GBE1: variants seen among roughly 807,000 people sequenced by gnomAD.
GBE1 encodes the protein 1,4-alpha-glucan branching enzyme 1, also known as 1,4-alpha-glucan-branching enzyme.
A neutral mutation model predicts 88.8 loss-of-function variants in GBE1; 70 were observed. The observed-to-expected ratio is 0.79, with a 90% CI of 0.65 to 0.96. The LOEUF is 0.96. GBE1 is among the 40% of genes least tolerant of loss of function. GBE1 has a pLI of 0.00. For synonymous variants in GBE1, 284 were observed against 300.1 expected (o/e 0.95, Z 0.56); for missense variants, 872 against 871.0 (o/e 1.00, Z -0.01).
intron 12 of GBE1, among the ~76,000 whole-genome samples, chr3:81,546,250 T>A (rs1190913474): frequency 2.7e-5 from 4 of 150,908 alleles, no homozygotes; most frequent in Non-Finnish European, 5.9e-5. Context: ...ACACACACAC[T>A]AACTCACACA....
chr3:81,719,967 G>C (rs867698687), intron 1 of GBE1, among the ~76,000 whole-genome samples: 4 of 152,072 alleles, frequency 2.6e-5, no homozygotes, highest in African/African-American at 4.8e-5. Context: ...CAGGATAAAT[G>C]AATCAGTTAT....
chr3:81,646,566 T>C lies in GBE1; in HGVS notation c.692-84A>G, dbSNP rs1240107589. 1.1e-5 allele frequency: 8 copies of C among 733,484 alleles called. No homozygotes were observed. In the East Asian group the frequency reaches 1.6e-4, roughly 15 times the overall value. 45.4% of individuals were successfully genotyped at this position (733,484 alleles called of 1,614,324 possible). The stretch of plus-strand genomic sequence containing the variant: ...GGAAAAAAAGCATCCTTATTCCAAA[T>C]ACATTAAAATTTACAAACAATCTAG... On this transcript the variant is annotated intron_variant, in intron 5 of 15. Coordinates refer to ENST00000429644, the MANE Select transcript of GBE1 (RefSeq NM_000158.4).
Position 81,578,050 on chromosome 3 carries a change from T to C in GBE1, c.1493A>G (p.Glu498Gly). The C allele has an allele frequency of 1.2e-6, 2 of 1,609,216 alleles. No homozygotes were observed. The highest frequency in any genetic ancestry group is 8.5e-7 in the Non-Finnish European group (1 of 1,177,688). ...KSLAFWLMDA[E>G]MYTNMSVLTP... ...CAGGACACTCATGTTTGTATACATT[T>C]CGGCATCCATCAACCAAAATGCCAG... The change falls in exon 12 of 16, where the codon GAA becomes GGA. Residue 498 changes from glutamate to glycine, a missense_variant. Coordinates refer to ENST00000429644, the MANE Select transcript of GBE1 (RefSeq NM_000158.4).
rs753628829 is a variant in GBE1, at chr3:81,649,921, C to G, written c.430G>C (p.Val144Leu). The change falls in exon 4 of 16, where the codon GTA becomes CTA. Residue 144 changes from valine to leucine, a missense_variant and splice_region_variant. Coordinates refer to ENST00000429644, the MANE Select transcript of GBE1 (RefSeq NM_000158.4). ...TCTCCGCTTTTACTAGTAATAACTA[C>G]CTAAAAAGAGAATGACATGTTATTG... ...VLVPHGSKLKVVITSKSGEIL... is the reference protein window; with the variant it reads ...VLVPHGSKLKLVITSKSGEIL... The G allele has an allele frequency of 6.2e-7, 1 of 1,604,368 alleles. No homozygotes were observed. Among genetic ancestry groups the G allele is most frequent in the Non-Finnish European group, 8.5e-7 (1 of 1,172,700 alleles).
At chr3:81,726,159 T>A (rs1575767570) in intron 1 of GBE1, among the ~76,000 whole-genome samples, 2 of 152,168 alleles carry the variant, frequency 1.3e-5, no homozygotes, top group East Asian at 3.9e-4. Flanking sequence ...CATAAGATCA[T>A]ATTTCTCCTT....
intron 14 of GBE1, among the ~76,000 whole-genome samples, chr3:81,528,931 T>C (rs1702981610): frequency 6.6e-6 from 1 of 152,092 alleles, no homozygotes; most frequent in Non-Finnish European, 1.5e-5. Flanking sequence ...TCCATTAAGG[T>C]ACTCTGTTTT....
chr3:81,741,777 C>T (rs1273830345), intron 1 of GBE1, among the ~76,000 whole-genome samples: 6 of 148,296 alleles, frequency 4.0e-5, no homozygotes, highest in African/African-American at 7.4e-5. Context: ...ATATAACACT[C>T]TACATAATAT....
At chr3:81,551,010 A>G (rs996044790) in intron 12 of GBE1, among the ~76,000 whole-genome samples, 1 of 151,912 alleles carries the variant, frequency 6.6e-6, no homozygotes, top group East Asian at 1.9e-4. Context: ...CTGTATAGGG[A>G]CCCTTTTCTG....
intron 1 of GBE1, among the ~76,000 whole-genome samples, chr3:81,736,123 C>A (rs143325592): frequency 4.1e-4 from 62 of 152,262 alleles, no homozygotes; most frequent in African/African-American, 7.2e-4. Context: ...GATTTCCCAG[C>A]TGAGAGATAC....
intron 1 of GBE1, among the ~76,000 whole-genome samples, chr3:81,718,628 G>GTTTGT (rs538458884): frequency 9.2e-5 from 14 of 152,042 alleles, no homozygotes; most frequent in South Asian, 4.2e-4. Flanking sequence ...AGTTTGTTTT[G>GTTTGT]TTTGTTTTGT....
intron 5 of GBE1, among the ~76,000 whole-genome samples, chr3:81,647,959 AT>A (rs1400863647): frequency 1.3e-5 from 2 of 152,120 alleles, no homozygotes; most frequent in Non-Finnish European, 2.9e-5. Context: ...GTCATAAGCA[AT>A]TTATTACTCC....
chr3:81,659,216 T>C (rs1436668081), intron 3 of GBE1, among the ~76,000 whole-genome samples: 1 of 152,168 alleles, frequency 6.6e-6, no homozygotes, highest in African/African-American at 2.4e-5. Flanking sequence ...AGCACTATCA[T>C]AGGATGAGTT....
chr3:81,642,507 T>A, intron 7 of GBE1: 1 of 269,946 alleles, frequency 3.7e-6, no homozygotes, highest in Non-Finnish European at 6.9e-6. Flanking sequence ...TTTTAGATAT[T>A]AAAAAAAAAT....
At chr3:81,713,170 A>T (rs79556631) in intron 1 of GBE1, among the ~76,000 whole-genome samples, 266 of 152,352 alleles carry the variant, frequency 1.7e-3, no homozygotes, top group Non-Finnish European at 2.7e-3. Context: ...TTCACAGAAG[A>T]ATGAGCAAGA....
intron 10 of GBE1, among the ~76,000 whole-genome samples, chr3:81,584,033 T>C (rs1329488476): frequency 6.6e-6 from 1 of 152,058 alleles, no homozygotes; most frequent in Non-Finnish European, 1.5e-5. Context: ...AGGTGCTCAA[T>C]AAATATTTGG....
intron 2 of GBE1, among the ~76,000 whole-genome samples, chr3:81,705,090 G>A (rs371690683): frequency 3.3e-5 from 5 of 152,200 alleles, no homozygotes; most frequent in East Asian, 3.9e-4. Flanking sequence ...GAATGCTAGC[G>A]GAGCTTTATG....
At chr3:81,654,100 C>T (rs927175590) in intron 3 of GBE1, among the ~76,000 whole-genome samples, 1 of 151,828 alleles carries the variant, frequency 6.6e-6, no homozygotes, top group Non-Finnish European at 1.5e-5. Flanking sequence ...CCAAATAATA[C>T]CATAATAATC....
intron 12 of GBE1, among the ~76,000 whole-genome samples, chr3:81,551,032 A>C (rs1410992214): frequency 6.6e-6 from 1 of 152,080 alleles, no homozygotes; most frequent in Non-Finnish European, 1.5e-5. Context: ...TAACAGATTC[A>C]CTGTTTTAAA....
chr3:81,714,089 C>A (rs1399181966), intron 1 of GBE1, among the ~76,000 whole-genome samples: 1 of 152,138 alleles, frequency 6.6e-6, no homozygotes, highest in Non-Finnish European at 1.5e-5. Context: ...GAATGTAATT[C>A]TTTCCTTTGA....
Sources: allele counts gnomAD v4.1 joint callset (sites outside exome capture counted in the v4.1 genomes callset), GRCh38; gene constraint gnomAD v4.1.1; transcripts MANE v1.5; gene names NCBI Gene and HGNC (gene_info 2026-07-23, HGNC 2026-07-21).